Variants in OGDH observed in about 807,000 individuals in gnomAD.
OGDH encodes oxoglutarate dehydrogenase, also known as 2-oxoglutarate dehydrogenase complex component E1.
In OGDH, 38 loss-of-function variants were observed where a neutral mutation model predicts 116.6. The observed-to-expected ratio is 0.33, with a 90% CI of 0.25 to 0.43. The LOEUF is 0.43. Among genes scored for constraint, OGDH ranks in the 20% least tolerant of loss-of-function variants. The pLI is 1.00. For missense variants in OGDH, 825 were observed against 1,357.2 expected, an observed-to-expected ratio of 0.61 and a Z score of 6.16; for synonymous variants, 488 against 533.3, an observed-to-expected ratio of 0.92 and a Z score of 1.17.
chr7:44,675,064 C>T (rs1229886357), intron 7 of OGDH, 114 bp from the exon 8 acceptor site: 22 of 794,082 alleles, frequency 2.8e-5, no homozygotes, highest in South Asian at 6.1e-5. Context: ...GGCTGCAAAC[C>T]GAGGAGGTGC....
intron 10 of OGDH, among the ~76,000 whole-genome samples, chr7:44,690,150 G>A (rs1788307711): frequency 6.6e-6 from 1 of 152,222 alleles, no homozygotes; most frequent in African/African-American, 2.4e-5. Context: ...CCAGTGGGTG[G>A]CTACAATTAC....
chr7:44,671,628 C>T (rs1389112112), intron 5 of OGDH, among the ~76,000 whole-genome samples: 1 of 149,198 alleles, frequency 6.7e-6, no homozygotes, highest in Non-Finnish European at 1.5e-5. Context: ...ATTAGCCGGG[C>T]GTGGTGGCAT....
In OGDH at chr7:44,630,962, A is replaced by G. The variant is rs375808942; in HGVS notation, c.222+6397A>G. On this transcript the variant is annotated intron_variant, in intron 2 of 22. Coordinates refer to ENST00000222673, the MANE Select transcript of OGDH (RefSeq NM_002541.4). ...CCAGTTGGCTCTCCCATGAGAATCT[A>G]ATGCCCCCGCTGATGTGACAGGAGG... Among the ~76,000 whole-genome samples the G allele has an allele frequency of 1.8e-4, 27 of 152,286 alleles. No homozygotes were observed. In the South Asian group the frequency reaches 5.6e-3, roughly 32 times the overall value.
chr7:44,627,247 G>A (rs1785243297), intron 2 of OGDH, among the ~76,000 whole-genome samples: 2 of 152,168 alleles, frequency 1.3e-5, no homozygotes, highest in South Asian at 4.1e-4. Flanking sequence ...CGCCTGCCTT[G>A]GCCTCCCAGA....
intron 13 of OGDH, 134 bp downstream of exon 13, chr7:44,696,261 C>A: frequency 9.7e-7 from 1 of 1,034,228 alleles, no homozygotes; most frequent in Non-Finnish European, 1.4e-6. Context: ...TTCAGCAAAG[C>A]CCCCTGCAGA....
chr7:44,624,254 G>GTCTCCTA, intron 1 of OGDH, 63 bp from the exon 2 acceptor site: 1 of 1,112,534 alleles, frequency 9.0e-7, no homozygotes, highest in Non-Finnish European at 1.3e-6. Context: ...TAGTAGCCTT[G>GTCTCCTA]TCTCCTAAAT....
intron 1 of OGDH, among the ~76,000 whole-genome samples, chr7:44,613,749 G>A (rs1378783267): frequency 2.0e-5 from 3 of 150,694 alleles, no homozygotes; most frequent in Non-Finnish European, 2.9e-5. Context: ...GCCCACATCG[G>A]CCTCCCAAAG....
At chr7:44,608,008 AT>A (rs916912261) in intron 1 of OGDH, among the ~76,000 whole-genome samples, 19 of 151,616 alleles carry the variant, frequency 1.3e-4, no homozygotes, top group African/African-American at 3.6e-4. Context: ...GCCCCTCATT[AT>A]TTTTTTTAAG....
chr7:44,613,952 A>G (rs1346823079), intron 1 of OGDH, among the ~76,000 whole-genome samples: 2 of 151,496 alleles, frequency 1.3e-5, no homozygotes, highest in African/African-American at 2.4e-5. Flanking sequence ...GATTACAGGT[A>G]TGTGCTGCCA....
At chr7:44,629,345 G>A (rs1785332509) in intron 2 of OGDH, among the ~76,000 whole-genome samples, 1 of 152,120 alleles carries the variant, frequency 6.6e-6, no homozygotes, top group Non-Finnish European at 1.5e-5. Context: ...AAGGAGCTGG[G>A]GCCTGTTGTT....
In OGDH at chr7:44,648,609, C is replaced by T. The variant is rs577508984; in HGVS notation, c.517+850C>T. Among the ~76,000 whole-genome samples the T allele has an allele frequency of 4.6e-5, 7 of 152,194 alleles. No homozygotes were observed. In the East Asian group the frequency reaches 5.8e-4, roughly 13 times the overall value. On this transcript the variant is annotated intron_variant, in intron 4 of 22. Coordinates refer to ENST00000222673, the MANE Select transcript of OGDH (RefSeq NM_002541.4). ...CCTAATACTCCTCTTGGGATGGGTA[C>T]GAAATTAGCCTCCTCACAGGCACTT...
chr7:44,702,742 G>C (rs190419018), intron 20 of OGDH, among the ~76,000 whole-genome samples: 3 of 152,154 alleles, frequency 2.0e-5, no homozygotes, highest in Non-Finnish European at 4.4e-5. Flanking sequence ...GCAGGCGCCC[G>C]CCACCACGCC....
intron 1 of OGDH, among the ~76,000 whole-genome samples, chr7:44,610,129 G>A (rs1784505612): frequency 6.6e-6 from 1 of 151,842 alleles, no homozygotes; most frequent in Non-Finnish European, 1.5e-5. Flanking sequence ...TATACTCTCG[G>A]GTGAAATGTC....
At chr7:44,645,922 C>T (rs1038215939) in intron 3 of OGDH, among the ~76,000 whole-genome samples, 1 of 152,040 alleles carries the variant, frequency 6.6e-6, no homozygotes, top group East Asian at 1.9e-4. Flanking sequence ...CAACTGAATA[C>T]TATAAGAGAA....
chr7:44,660,416 T>C (rs780468880), intron 4 of OGDH, among the ~76,000 whole-genome samples: 21 of 152,226 alleles, frequency 1.4e-4, no homozygotes, highest in Non-Finnish European at 2.8e-4. Context: ...TGTTATTTAG[T>C]TTCCAAGTGT....
chr7:44,702,137 A>G (rs1278584475), intron 20 of OGDH, among the ~76,000 whole-genome samples: 2 of 152,030 alleles, frequency 1.3e-5, no homozygotes, highest in African/African-American at 4.8e-5. Flanking sequence ...CACGTTGGTC[A>G]AATGACATGT....
At chr7:44,614,448 A>G (rs990928632) in intron 1 of OGDH, among the ~76,000 whole-genome samples, 3 of 151,622 alleles carry the variant, frequency 2.0e-5, no homozygotes, top group African/African-American at 7.3e-5. Context: ...TATTTCTTTG[A>G]ATGCTTTTCC....
chr7:44,681,827 G>T lies in OGDH; in HGVS notation c.1314G>T (p.Val438=). 2 of 1,614,176 alleles carry T rather than the reference G, an allele frequency of 1.2e-6. No individual in the cohort carries two copies. Among genetic ancestry groups the T allele is most frequent in the Non-Finnish European group, 1.7e-6 (2 of 1,180,034 alleles). The change falls in exon 10 of 23, where the codon GTG becomes GTT. Residue 438 remains valine, a synonymous_variant. Transcript: ENST00000222673. ...CATCCTACACAACTCATGGCACCGT[G>T]CACGTGGTCGTCAACAACCAGGTAC... is the stretch of plus-strand genomic sequence containing the variant. ...DLPSYTTHGT[V]HVVVNNQIGF... is the part of the protein sequence containing the mutation.
At chr7:44,693,306 C>CA (rs761078863) in intron 10 of OGDH, among the ~76,000 whole-genome samples, 2,664 of 119,382 alleles carry the variant, frequency 0.022, 74 homozygotes, top group African/African-American at 0.071. Context: ...GACTTCGTCT[C>CA]AAAAAAAAAA....
Sources: gnomAD v4.1 joint callset for allele counts (sites outside exome capture counted in the v4.1 genomes callset) on GRCh38, gnomAD v4.1.1 for gene constraint, MANE v1.5 for transcripts, NCBI Gene and HGNC (gene_info 2026-07-23, HGNC 2026-07-21) for gene names.